Variants in LRRTM4 observed in about 807,000 individuals in gnomAD.
LRRTM4 encodes the protein leucine-rich repeat transmembrane neuronal protein 4.
LRRTM4 carries 25 observed loss-of-function variants against 47.6 expected under a neutral mutation model. The ratio of observed to expected loss-of-function variants is 0.53; its 90% CI spans 0.38 to 0.73. The LOEUF (loss-of-function observed/expected upper bound fraction) is 0.73. Among genes scored for constraint, LRRTM4 ranks in the 30% least tolerant of loss-of-function variants. The probability of loss-of-function intolerance (pLI) is 0.00; values close to 1 mark genes in which losing one functional copy is unlikely to be tolerated. For missense variants in LRRTM4, 638 were observed against 713.4 expected (o/e 0.89, Z 1.20); for synonymous variants, 311 against 269.5 (o/e 1.15, Z -1.51).
chr2:76,825,872 C>A (rs68190355), intron 3 of LRRTM4, among the ~76,000 whole-genome samples: 57,397 of 151,074 alleles, frequency 0.38, 12,067 homozygotes, highest in East Asian at 0.69. Flanking sequence ...AGACAGGAGG[C>A]AAAACAAGAG....
chr2:76,903,319 G>C lies in LRRTM4; in HGVS notation c.1552-154403C>G, dbSNP rs550933542. Among the ~76,000 whole-genome samples, 3 of 152,182 alleles carry C rather than the reference G, an allele frequency of 2.0e-5. No homozygotes were observed. The South Asian group carries it at 6.2e-4, about 32-fold the overall frequency. On this transcript the variant is annotated intron_variant, in intron 3 of 3. Coordinates refer to ENST00000409884, the MANE Select transcript of LRRTM4 (RefSeq NM_001134745.3). Reference sequence around the variant, plus strand: ...TGGGAGGCTGAGGAGGGTGTATCACGAGGTCAGGAGATTGAGACCAGCCTG... The same window carrying C: ...TGGGAGGCTGAGGAGGGTGTATCACCAGGTCAGGAGATTGAGACCAGCCTG...
intron 3 of LRRTM4, among the ~76,000 whole-genome samples, chr2:77,107,540 C>T (rs1414073160): frequency 3.3e-5 from 5 of 151,944 alleles, no homozygotes; most frequent in African/African-American, 4.8e-5. Context: ...ATAACTAGGC[C>T]GGGCATGGTG....
At chr2:77,212,498 G>A (rs1026862505) in intron 3 of LRRTM4, among the ~76,000 whole-genome samples, 9 of 149,262 alleles carry the variant, frequency 6.0e-5, no homozygotes, top group Non-Finnish European at 1.3e-4. Flanking sequence ...GAGAGAGCGA[G>A]AGAGTTAATC....
intron 3 of LRRTM4, among the ~76,000 whole-genome samples, chr2:77,033,563 T>C (rs1467564089): frequency 2.0e-5 from 3 of 151,916 alleles, no homozygotes; most frequent in Non-Finnish European, 4.4e-5. Context: ...TCTAAAACAG[T>C]ATTTTAAAAA....
chr2:77,336,612 A>G (rs1489199785), intron 3 of LRRTM4, among the ~76,000 whole-genome samples: 2 of 152,200 alleles, frequency 1.3e-5, no homozygotes, highest in Non-Finnish European at 2.9e-5. Flanking sequence ...AAAAGCAAAA[A>G]GCTATATGCT....
chr2:77,084,052 G>T (rs1412951304), intron 3 of LRRTM4, among the ~76,000 whole-genome samples: 2 of 151,748 alleles, frequency 1.3e-5, no homozygotes, highest in Admixed American at 6.6e-5. Context: ...TGATCCACCC[G>T]CCTCGGCCTC....
chr2:77,358,370 A>C (rs1672050724), intron 3 of LRRTM4, among the ~76,000 whole-genome samples: 1 of 152,090 alleles, frequency 6.6e-6, no homozygotes, highest in African/African-American at 2.4e-5. Flanking sequence ...GAACTAGTCC[A>C]TTCTCTTCCT....
chr2:77,517,826 T>A (rs1291955225), intron 3 of LRRTM4: 2 of 985,896 alleles, frequency 2.0e-6, no homozygotes, highest in East Asian at 1.1e-4. Flanking sequence ...ATGCTTTCAT[T>A]AAAACTAAAA....
chr2:76,761,252 C>T (rs1673243734), intron 3 of LRRTM4, among the ~76,000 whole-genome samples: 1 of 152,200 alleles, frequency 6.6e-6, no homozygotes, highest in Non-Finnish European at 1.5e-5. Flanking sequence ...GCGGTGCACA[C>T]CTGTGTTTTT....
chr2:77,269,037 T>C (rs961436889), intron 3 of LRRTM4, among the ~76,000 whole-genome samples: 1 of 152,180 alleles, frequency 6.6e-6, no homozygotes, highest in Non-Finnish European at 1.5e-5. Context: ...CACACACTAA[T>C]TTATTCCCTT....
chr2:77,208,244 C>T (rs1251223195), intron 3 of LRRTM4, among the ~76,000 whole-genome samples: 5 of 152,034 alleles, frequency 3.3e-5, no homozygotes, highest in Non-Finnish European at 5.9e-5. Flanking sequence ...TCAACAATCA[C>T]GTGTTAGACA....
chr2:76,749,010 G>A, intron 3 of LRRTM4, 94 bp from the exon 4 acceptor site: 1 of 928,062 alleles, frequency 1.1e-6, no homozygotes, highest in South Asian at 1.6e-5. Context: ...TCTCTTTCAT[G>A]CTGTTTCAAG....
chr2:77,030,671 T>C (rs537819646), intron 3 of LRRTM4, among the ~76,000 whole-genome samples: 2 of 151,680 alleles, frequency 1.3e-5, no homozygotes, highest in African/African-American at 4.9e-5. Context: ...AAAGAACAAT[T>C]TAATTCTTTA....
intron 3 of LRRTM4, among the ~76,000 whole-genome samples, chr2:76,912,959 C>A (rs1206994770): frequency 6.6e-6 from 1 of 152,162 alleles, no homozygotes; most frequent in Non-Finnish European, 1.5e-5. Context: ...TAACCACTTT[C>A]ATTCATAAAT....
intron 3 of LRRTM4, among the ~76,000 whole-genome samples, chr2:77,209,025 T>G (rs1216750695): frequency 6.6e-6 from 1 of 152,026 alleles, no homozygotes; most frequent in Non-Finnish European, 1.5e-5. Context: ...CACTCAGCCT[T>G]CCCCTCCCTT....
chr2:76,852,410 T>C (rs945992510), intron 3 of LRRTM4, among the ~76,000 whole-genome samples: 1 of 152,176 alleles, frequency 6.6e-6, no homozygotes, highest in South Asian at 2.1e-4. Context: ...TGTAGGCTTA[T>C]GTGAAGATCC....
intron 3 of LRRTM4, among the ~76,000 whole-genome samples, chr2:77,304,208 G>A (rs1387734916): frequency 6.6e-6 from 1 of 152,086 alleles, no homozygotes; most frequent in Non-Finnish European, 1.5e-5. Context: ...TAGTGATGTT[G>A]AGCACTTGTT....
chr2:77,420,586 T>C (rs1674835436), intron 3 of LRRTM4, among the ~76,000 whole-genome samples: 1 of 151,514 alleles, frequency 6.6e-6, no homozygotes, highest in African/African-American at 2.4e-5. Context: ...CTATTCATAC[T>C]GAAATGGAAA....
chr2:77,164,517 C>T (rs980323046), intron 3 of LRRTM4, among the ~76,000 whole-genome samples: 31 of 152,204 alleles, frequency 2.0e-4, no homozygotes, highest in African/African-American at 7.5e-4. Flanking sequence ...TTCTTCTCAG[C>T]ACCACACCAC....
Sources: gnomAD v4.1 joint callset for allele counts (sites outside exome capture counted in the v4.1 genomes callset) on GRCh38, gnomAD v4.1.1 for gene constraint, MANE v1.5 for transcripts, NCBI Gene and HGNC (gene_info 2026-07-23, HGNC 2026-07-21) for gene names.